Variants in G3BP2 observed in about 807,000 individuals in gnomAD.
The protein encoded by G3BP2 is G3BP stress granule assembly factor 2.
Under a neutral mutation model 56.7 loss-of-function variants are expected in G3BP2, and 11 were observed. The ratio of observed to expected loss-of-function variants is 0.19; its 90% CI spans 0.12 to 0.32. The LOEUF (loss-of-function observed/expected upper bound fraction) is 0.32, where lower values mean the gene tolerates loss of function less well. Ranked by LOEUF, G3BP2 falls within the 10% of genes least tolerant of loss-of-function variation. The pLI is 1.00. For missense variants in G3BP2, 340 were observed against 610.9 expected (o/e 0.56, Z 4.67); for synonymous variants, 165 against 191.6 (o/e 0.86, Z 1.15).
chr4:75,691,244 TAA>T (rs1235694660), intron 3 of G3BP2, among the ~76,000 whole-genome samples: 12 of 152,108 alleles, frequency 7.9e-5, no homozygotes, highest in African/African-American at 2.9e-4. Context: ...CCTGCCCAGG[TAA>T]TTTTTGTATT....
intron 3 of G3BP2, among the ~76,000 whole-genome samples, chr4:75,687,020 G>C (rs1225491103): frequency 1.3e-5 from 2 of 152,142 alleles, no homozygotes; most frequent in Non-Finnish European, 2.9e-5. Flanking sequence ...TTGAGACTAG[G>C]AGTTCCATGC....
chr4:75,711,644 C>T (rs544134056), intron 3 of G3BP2, among the ~76,000 whole-genome samples: 2 of 152,114 alleles, frequency 1.3e-5, no homozygotes, highest in African/African-American at 2.4e-5. Context: ...ATCCAGGAGG[C>T]GGAAGCTGCA....
intron 8 of G3BP2, among the ~76,000 whole-genome samples, chr4:75,652,153 T>C (rs1731742428): frequency 6.6e-6 from 1 of 152,230 alleles, no homozygotes; most frequent in Non-Finnish European, 1.5e-5. Context: ...GAAATACAAC[T>C]TCATTTCCTA....
intron 3 of G3BP2, among the ~76,000 whole-genome samples, chr4:75,713,916 C>T (rs557885360): frequency 6.6e-6 from 1 of 152,350 alleles, no homozygotes; most frequent in African/African-American, 2.4e-5. Context: ...GAGGCAAGCT[C>T]AGACAAACCT....
intron 8 of G3BP2, among the ~76,000 whole-genome samples, chr4:75,651,314 G>A (rs775681590): frequency 5.3e-5 from 8 of 152,098 alleles, no homozygotes; most frequent in Non-Finnish European, 1.0e-4. Flanking sequence ...AGAACTTGAG[G>A]CCCTGGTCTT....
intron 3 of G3BP2, among the ~76,000 whole-genome samples, chr4:75,717,171 G>A (rs1445603442): frequency 6.6e-6 from 1 of 152,130 alleles, no homozygotes; most frequent in Non-Finnish European, 1.5e-5. Flanking sequence ...GGCCGGGCAT[G>A]GTGACTCATG....
intron 3 of G3BP2, among the ~76,000 whole-genome samples, chr4:75,697,200 G>A (rs1246214258): frequency 1.4e-5 from 2 of 146,898 alleles, no homozygotes; most frequent in Non-Finnish European, 3.0e-5. Context: ...CGTGAACCCA[G>A]GAGGCGGAGC....
chr4:75,695,383 G>A (rs1719061226), intron 3 of G3BP2, among the ~76,000 whole-genome samples: 1 of 152,210 alleles, frequency 6.6e-6, no homozygotes, highest in African/African-American at 2.4e-5. Flanking sequence ...GTGCCTGGAG[G>A]TGACAGGTAC....
chr4:75,719,031 C>T (rs1720039001), intron 3 of G3BP2, among the ~76,000 whole-genome samples: 1 of 152,154 alleles, frequency 6.6e-6, no homozygotes, highest in African/African-American at 2.4e-5. Flanking sequence ...TGAAGACTTA[C>T]AGGGTAATAT....
At chr4:75,673,492 C>G (rs1733690265), upstream of G3BP2, 1 of 1,232,172 alleles carries the variant, frequency 8.1e-7, no homozygotes, top group African/African-American at 1.6e-5. Flanking sequence ...ACAGCGTCAG[C>G]CAATCACGCA....
At chr4:75,698,997 T>C (rs1168428542) in intron 3 of G3BP2, among the ~76,000 whole-genome samples, 1 of 152,148 alleles carries the variant, frequency 6.6e-6, no homozygotes, top group Admixed American at 6.6e-5. Context: ...GCCCAGAACG[T>C]TGAAACTCTC....
At chr4:75,681,400 G>A (rs1734069097) in intron 3 of G3BP2, among the ~76,000 whole-genome samples, 1 of 152,132 alleles carries the variant, frequency 6.6e-6, no homozygotes, top group South Asian at 2.1e-4. Flanking sequence ...CCCCTTATCT[G>A]CAGAGGGTAC....
intron 3 of G3BP2, among the ~76,000 whole-genome samples, chr4:75,719,347 C>CAA (rs55689229): frequency 1.0e-4 from 9 of 86,972 alleles, no homozygotes; most frequent in Admixed American, 1.4e-4. Context: ...GACTCCGTCT[C>CAA]AAAAAAAAAA....
chr4:75,693,965 TC>T (rs1560416413), intron 3 of G3BP2, among the ~76,000 whole-genome samples: 2 of 151,904 alleles, frequency 1.3e-5, no homozygotes. Flanking sequence ...GGTCTTGAAC[TC>T]CTAGTCTCAA....
intron 1 of G3BP2, among the ~76,000 whole-genome samples, chr4:75,663,529 G>A (rs117566942): frequency 2.0e-5 from 3 of 152,166 alleles, no homozygotes; most frequent in East Asian, 3.9e-4. Flanking sequence ...TCTCACTTCA[G>A]GTGTGAGCCA....
chr4:75,715,466 C>T (rs1157454637), intron 3 of G3BP2, among the ~76,000 whole-genome samples: 1 of 152,290 alleles, frequency 6.6e-6, no homozygotes, highest in East Asian at 1.9e-4. Context: ...AACTCATGTC[C>T]CCATCAAAGG....
rs577474526 is a variant in G3BP2, at chr4:75,682,747, C to T, written c.-24-20698G>A. 2.3e-3 allele frequency among the ~76,000 whole-genome samples: 349 copies of T among 152,064 alleles called. 1 individual carries two copies. Among genetic ancestry groups the T allele is most frequent in the African/African-American group, 8.2e-3 (341 of 41,482 alleles). On this transcript the variant is annotated intron_variant, in intron 3 of 3. Coordinates refer to the G3BP2 transcript ENST00000499709. ...CTGTAATCCCAGCACTTTGGGAGGC[C>T]AAGGCGGGCAGATCACGAGGTCAGG...
At chr4:75,694,811 G>A in intron 3 of G3BP2, 1 of 985,624 alleles carries the variant, frequency 1.0e-6, no homozygotes, top group Non-Finnish European at 1.2e-6. Flanking sequence ...GTTCCAGGAA[G>A]GATTTCAGAT....
At chr4:75,656,841 C>A in intron 5 of G3BP2, 83 bp downstream of exon 5, 1 of 708,104 alleles carries the variant, frequency 1.4e-6, no homozygotes, top group Admixed American at 2.7e-5. Context: ...AGCAAATTTC[C>A]GTAGATGTCA....
Sources: allele counts gnomAD v4.1 joint callset (sites outside exome capture counted in the v4.1 genomes callset), GRCh38; gene constraint gnomAD v4.1.1; transcripts MANE v1.5; gene names NCBI Gene and HGNC (gene_info 2026-07-23, HGNC 2026-07-21).